Variants in KDM6A observed in about 807,000 individuals in gnomAD.
KDM6A encodes the protein lysine demethylase 6A.
KDM6A carries 11 observed loss-of-function variants against 117.6 expected under a neutral mutation model. That is an observed-to-expected ratio of 0.09 (90% CI 0.06 to 0.15). The LOEUF (loss-of-function observed/expected upper bound fraction) is 0.15, where lower values mean the gene tolerates loss of function less well. Among genes scored for constraint, KDM6A ranks in the 10% least tolerant of loss-of-function variants. KDM6A has a pLI of 1.00. For synonymous variants in KDM6A, 384 were observed against 396.1 expected, an observed-to-expected ratio of 0.97 and a Z score of 0.36; for missense variants, 799 against 1,077.3, an observed-to-expected ratio of 0.74 and a Z score of 3.62.
At chrX:45,063,939 C>A in intron 17 of KDM6A, 122 bp downstream of exon 17, 1 of 658,370 alleles carries the variant, frequency 1.5e-6, no homozygotes, top group Non-Finnish European at 2.4e-6. Flanking sequence ...TTTTGTGGCA[C>A]TACAATGTTA....
rs73488840 is a variant in KDM6A, at chrX:44,901,669, G to C, written c.225+27682G>C. On this transcript the variant is annotated intron_variant, in intron 2 of 29. Transcript: ENST00000611820. The stretch of plus-strand genomic sequence containing the variant: ...ACCTGTTATATATTCTTGATAAATT[G>C]ATCCTTTCATCATTATAGAATATTC... 7.7e-3 allele frequency among the ~76,000 whole-genome samples: 850 copies of C among 111,044 alleles called. 14 individuals are homozygous for C. The highest frequency in any genetic ancestry group is 0.027 in the African/African-American group (815 of 30,523).
intron 2 of KDM6A, among the ~76,000 whole-genome samples, chrX:44,877,681 G>T (rs190347623): frequency 0.038 from 4,211 of 109,688 alleles, 210 homozygotes; most frequent in African/African-American, 0.13. Flanking sequence ...TCTTATCTGC[G>T]TCAGGGAACT....
intron 2 of KDM6A, among the ~76,000 whole-genome samples, chrX:44,937,089 G>A (rs946291301): frequency 1.8e-4 from 20 of 110,781 alleles, no homozygotes; most frequent in Admixed American, 5.8e-4. Context: ...GGCCCTGGGA[G>A]TAGCAGTGAG....
intron 27 of KDM6A, among the ~76,000 whole-genome samples, chrX:45,093,698 T>A (rs1401253622): frequency 9.0e-6 from 1 of 111,104 alleles, no homozygotes; most frequent in Non-Finnish European, 1.9e-5. Flanking sequence ...CTCTATCATC[T>A]TTTCCATTCC....
intron 2 of KDM6A, among the ~76,000 whole-genome samples, chrX:44,928,872 CTTAG>C (rs1281132640): frequency 5.4e-5 from 6 of 111,684 alleles, no homozygotes; most frequent in Non-Finnish European, 1.1e-4. Flanking sequence ...AAATGCACTT[CTTAG>C]TGAATACTTT....
intron 7 of KDM6A, 73 bp downstream of exon 7, chrX:45,035,058 T>C (rs1327188046): frequency 1.2e-6 from 1 of 843,923 alleles, no homozygotes; most frequent in Non-Finnish European, 1.8e-6. Flanking sequence ...ATAATGTTAG[T>C]GATAAATTCT....
chrX:44,955,953 A>G (rs957223962), intron 2 of KDM6A, among the ~76,000 whole-genome samples: 2 of 111,557 alleles, frequency 1.8e-5, no homozygotes, highest in African/African-American at 6.5e-5. Context: ...GCTTAGTAAT[A>G]TATGCTTTAA....
At chrX:45,008,247 G>A (rs1400489725) in intron 4 of KDM6A, among the ~76,000 whole-genome samples, 1 of 111,021 alleles carries the variant, frequency 9.0e-6, no homozygotes, top group African/African-American at 3.3e-5. Context: ...GGTGGCGGGC[G>A]CCTGTAGTCC....
Position 44,873,974 on chromosome X carries a change from C to T in KDM6A, c.212C>T (p.Ala71Val), listed in dbSNP as rs1438192794. The T allele has an allele frequency of 1.7e-6, 2 of 1,210,774 alleles. No individual in the cohort carries two copies. Among genetic ancestry groups the T allele is most frequent in the East Asian group, 3.0e-5 (1 of 33,802 alleles). The change falls in exon 2 of 30, where the codon GCC (alanine) becomes GTC (valine). Residue 71 changes from alanine to valine, a missense_variant. Ala to Val is a moderately conservative substitution (Grantham distance 64). Transcript: ENST00000611820. Reference protein sequence around the residue: ...RFHEDGARTKALLGKAVRCYE... With the variant: ...RFHEDGARTKVLLGKAVRCYE... ...CATGAAGATGGCGCCAGGACGAAGG[C>T]CCTACTGGGCAAGGTAAGGCAGCTG...
At chrX:44,955,084 T>A (rs1208257540) in intron 2 of KDM6A, among the ~76,000 whole-genome samples, 1 of 111,777 alleles carries the variant, frequency 8.9e-6, no homozygotes, top group Non-Finnish European at 1.9e-5. Flanking sequence ...TTTAAGATGA[T>A]GTTGGGATGT....
intron 2 of KDM6A, among the ~76,000 whole-genome samples, chrX:44,949,221 T>C (rs2037835019): frequency 9.1e-6 from 1 of 110,385 alleles, no homozygotes; most frequent in African/African-American, 3.3e-5. Flanking sequence ...GGCGAAACCT[T>C]GTCTCTACAA....
intron 7 of KDM6A, among the ~76,000 whole-genome samples, chrX:45,036,767 G>A (rs888140775): frequency 9.8e-5 from 11 of 112,640 alleles, no homozygotes; most frequent in African/African-American, 3.5e-4. Flanking sequence ...ACTTTGGTAA[G>A]TCAGTTGAAT....
intron 2 of KDM6A, among the ~76,000 whole-genome samples, chrX:44,894,936 T>G (rs745657137): frequency 3.4e-4 from 37 of 109,549 alleles, no homozygotes; most frequent in African/African-American, 1.2e-3. Context: ...CTGGCTAGTT[T>G]TTGTATTTTT....
chrX:45,081,009 T>C (rs1279734288), intron 21 of KDM6A, among the ~76,000 whole-genome samples: 2 of 112,285 alleles, frequency 1.8e-5, no homozygotes, highest in African/African-American at 3.2e-5. Flanking sequence ...CTCGGCTCAC[T>C]GCAACCTCCG....
chrX:44,892,864 G>A (rs975864132), intron 2 of KDM6A, among the ~76,000 whole-genome samples: 5 of 108,025 alleles, frequency 4.6e-5, no homozygotes, highest in Admixed American at 1.0e-4. Context: ...TTAGCCAGGC[G>A]TGGTGGCACA....
chrX:44,918,203 C>T (rs746928893), intron 2 of KDM6A, among the ~76,000 whole-genome samples: 2 of 111,304 alleles, frequency 1.8e-5, no homozygotes, highest in South Asian at 7.4e-4. Context: ...CTGAACTAAA[C>T]CCAGTACAAA....
chrX:45,007,260 C>CGA (rs1162717902), intron 4 of KDM6A, among the ~76,000 whole-genome samples: 2 of 112,136 alleles, frequency 1.8e-5, no homozygotes, highest in African/African-American at 6.5e-5. Context: ...CTACTCAGTC[C>CGA]TCTCATCAAA....
chrX:44,939,842 T>G (rs952252871), intron 2 of KDM6A, among the ~76,000 whole-genome samples: 3 of 112,075 alleles, frequency 2.7e-5, no homozygotes, highest in Non-Finnish European at 5.6e-5. Flanking sequence ...AGATTACAAC[T>G]TGCTGAAGGC....
intron 3 of KDM6A, among the ~76,000 whole-genome samples, chrX:44,963,102 C>T (rs1841704980): frequency 9.0e-6 from 1 of 111,066 alleles, no homozygotes; most frequent in Non-Finnish European, 1.9e-5. Flanking sequence ...ACGTAATATT[C>T]TAAATTTGTT....
Sources: allele counts gnomAD v4.1 joint callset (sites outside exome capture counted in the v4.1 genomes callset), GRCh38; gene constraint gnomAD v4.1.1; transcripts MANE v1.5; gene names NCBI Gene and HGNC (gene_info 2026-07-23, HGNC 2026-07-21).